The following CCSER1 variants were observed in gnomAD, a reference collection of about 807,000 sequenced individuals.
CCSER1 encodes the protein coiled-coil serine rich protein 1, also known as serine-rich coiled-coil domain-containing protein 1.
CCSER1 carries 41 observed loss-of-function variants against 82.0 expected under a neutral mutation model. The ratio of observed to expected loss-of-function variants is 0.50; its 90% CI spans 0.39 to 0.65. The LOEUF (loss-of-function observed/expected upper bound fraction) is 0.65. Ranked by LOEUF, CCSER1 falls within the 30% of genes least tolerant of loss-of-function variation. The probability of loss-of-function intolerance (pLI) is 0.00; values close to 1 mark genes in which losing one functional copy is unlikely to be tolerated. For synonymous variants in CCSER1, 414 were observed against 383.9 expected (o/e 1.08, Z -0.92); for missense variants, 1,119 against 1,064.2 (o/e 1.05, Z -0.72).
intron 1 of CCSER1, among the ~76,000 whole-genome samples, chr4:90,222,976 T>C (rs1214125832): frequency 6.6e-6 from 1 of 152,142 alleles, no homozygotes; most frequent in African/African-American, 2.4e-5. Context: ...TGTATATATG[T>C]GTGTGTGTGT....
intron 10 of CCSER1, among the ~76,000 whole-genome samples, chr4:91,262,591 G>A (rs1004786788): frequency 6.6e-6 from 1 of 151,820 alleles, no homozygotes; most frequent in African/African-American, 2.4e-5. Context: ...CCTCAATATA[G>A]GTTTAGATTC....
chr4:90,485,896 T>G (rs970104912), intron 5 of CCSER1, among the ~76,000 whole-genome samples: 4 of 152,164 alleles, frequency 2.6e-5, no homozygotes, highest in African/African-American at 9.7e-5. Flanking sequence ...TTTTGTTTTG[T>G]TTTGTTTTTT....
Position 91,169,504 on chromosome 4 carries a change from C to G in CCSER1, c.2217+83510C>G, listed in dbSNP as rs564222670. On this transcript the variant is annotated intron_variant, in intron 10 of 10. Transcript: ENST00000509176. Reference sequence around the variant, plus strand: ...GGCATGGTGGCGGGTGCCTGTAATCCCAGCTACTCAGGAGGCTGAGGCACA... The same window carrying G: ...GGCATGGTGGCGGGTGCCTGTAATCGCAGCTACTCAGGAGGCTGAGGCACA... Among the ~76,000 whole-genome samples the G allele has an allele frequency of 1.7e-3, 254 of 152,120 alleles. 3 individuals are homozygous for G. The highest frequency in any genetic ancestry group is 5.9e-3 in the African/African-American group (246 of 41,510).
intron 6 of CCSER1, among the ~76,000 whole-genome samples, chr4:90,713,788 C>T (rs1275048297): frequency 6.6e-6 from 1 of 151,850 alleles, no homozygotes; most frequent in Non-Finnish European, 1.5e-5. Flanking sequence ...CCCAATCAGT[C>T]GTAGGTTCAG....
chr4:90,868,738 G>A (rs990548865), intron 8 of CCSER1, among the ~76,000 whole-genome samples: 2 of 151,964 alleles, frequency 1.3e-5, no homozygotes, highest in African/African-American at 2.4e-5. Flanking sequence ...TTGCTAGATC[G>A]TATGGTAGCT....
rs200701722 is a variant in CCSER1, at chr4:90,782,681, C to CT, written c.2011-33078dup. 1.0e-3 allele frequency among the ~76,000 whole-genome samples: 130 copies of CT among 123,964 alleles called. 7 individuals carry two copies. Among genetic ancestry groups the CT allele is most frequent in the African/African-American group, 3.6e-3 (119 of 33,420 alleles). 81.3% of individuals were successfully genotyped at this position (123,964 alleles called of 152,430 possible). On this transcript the variant is annotated intron_variant, in intron 7 of 10. Coordinates refer to ENST00000509176, the MANE Select transcript of CCSER1 (RefSeq NM_001145065.2). The stretch of plus-strand genomic sequence containing the variant: ...GGACAGGGATTTCTTTCTTTTCTTT[C>CT]TTTCTTTTTTTTTTTTTTTTGAGAC...
chr4:90,163,512 G>T lies in CCSER1; in HGVS notation c.-42+35681G>T, dbSNP rs1160970725. On this transcript the variant is annotated intron_variant, in intron 1 of 10. Coordinates refer to ENST00000509176, the MANE Select transcript of CCSER1 (RefSeq NM_001145065.2). ...GTAGAGAGAAAAAAGACTACTTTGAGTTATAAACCCACATTTTTTACCTAT... is the reference window on the plus strand; with the variant it reads ...GTAGAGAGAAAAAAGACTACTTTGATTTATAAACCCACATTTTTTACCTAT... Among the ~76,000 whole-genome samples, 4 of 151,994 alleles carry T rather than the reference G, an allele frequency of 2.6e-5. No individual in the cohort carries two copies. The South Asian group carries it at 8.3e-4, about 32-fold the overall frequency.
At chr4:91,211,843 T>C (rs1472870580) in intron 10 of CCSER1, among the ~76,000 whole-genome samples, 1 of 151,986 alleles carries the variant, frequency 6.6e-6, no homozygotes, top group African/African-American at 2.4e-5. Context: ...AGAAAAAACA[T>C]TGTGTGATAC....
At chr4:91,439,071 A>T (rs1754909347) in intron 10 of CCSER1, among the ~76,000 whole-genome samples, 1 of 152,246 alleles carries the variant, frequency 6.6e-6, no homozygotes, top group Admixed American at 6.5e-5. Context: ...GATATTATCC[A>T]GGAGAACTTC....
At chr4:90,532,877 T>A (rs1462898364) in intron 5 of CCSER1, among the ~76,000 whole-genome samples, 7 of 152,106 alleles carry the variant, frequency 4.6e-5, no homozygotes, top group Non-Finnish European at 5.9e-5. Flanking sequence ...TCTTGGCTTT[T>A]TTGTATTCTG....
chr4:90,128,729 A>G (rs1316677374), intron 1 of CCSER1, among the ~76,000 whole-genome samples: 1 of 152,098 alleles, frequency 6.6e-6, no homozygotes, highest in Admixed American at 6.5e-5. Flanking sequence ...TTGCTGATGT[A>G]AAGGAGGAGG....
At chr4:90,918,325 T>C in intron 8 of CCSER1, 1 of 437,544 alleles carries the variant, frequency 2.3e-6, no homozygotes, top group Admixed American at 2.7e-5. Flanking sequence ...AACTTTTATG[T>C]AGGTAATTCA....
At chr4:90,747,565 C>A (rs963885469) in intron 7 of CCSER1, among the ~76,000 whole-genome samples, 3 of 151,424 alleles carry the variant, frequency 2.0e-5, no homozygotes, top group Non-Finnish European at 2.9e-5. Flanking sequence ...TTTAATCTAC[C>A]TGTTTTCAGT....
At chr4:90,243,848 T>C (rs1325042373) in intron 1 of CCSER1, among the ~76,000 whole-genome samples, 1 of 152,044 alleles carries the variant, frequency 6.6e-6, no homozygotes, top group Non-Finnish European at 1.5e-5. Context: ...TGGGAACCTT[T>C]TTTTTTTTCG....
At chr4:91,278,599 G>A (rs1742658709) in intron 10 of CCSER1, among the ~76,000 whole-genome samples, 1 of 151,826 alleles carries the variant, frequency 6.6e-6, no homozygotes, top group Admixed American at 6.6e-5. Context: ...TGTATAGTTG[G>A]GTCCTGTTTG....
intron 1 of CCSER1, among the ~76,000 whole-genome samples, chr4:90,170,550 C>A (rs1235564572): frequency 6.6e-6 from 1 of 151,744 alleles, no homozygotes. Context: ...TCTCTGGTAA[C>A]CATTCTGCTA....
chr4:90,413,987 T>C (rs868034773), intron 4 of CCSER1, among the ~76,000 whole-genome samples: 1 of 90,292 alleles, frequency 1.1e-5, no homozygotes, highest in Non-Finnish European at 1.9e-5. Flanking sequence ...AAAAAATATA[T>C]ATATATATAT....
intron 10 of CCSER1, among the ~76,000 whole-genome samples, chr4:91,234,149 C>G (rs532986153): frequency 6.6e-6 from 1 of 151,968 alleles, no homozygotes; most frequent in South Asian, 2.1e-4. Context: ...GCGTAAAATC[C>G]ATTTGTCAGA....
chr4:90,517,108 T>A (rs1374193448), intron 5 of CCSER1, among the ~76,000 whole-genome samples: 1 of 152,154 alleles, frequency 6.6e-6, no homozygotes, highest in South Asian at 2.1e-4. Context: ...ACCTTAAATG[T>A]GCTCAGACAC....
Sources: allele counts gnomAD v4.1 joint callset (sites outside exome capture counted in the v4.1 genomes callset), GRCh38; gene constraint gnomAD v4.1.1; transcripts MANE v1.5; gene names NCBI Gene and HGNC (gene_info 2026-07-23, HGNC 2026-07-21).